TBC1D2B: variants seen among roughly 807,000 people sequenced by gnomAD.
The protein encoded by TBC1D2B is TBC1 domain family, member 2B.
A neutral mutation model predicts 100.8 loss-of-function variants in TBC1D2B; 64 were observed. That is an observed-to-expected ratio of 0.64 (90% CI 0.52 to 0.78). The LOEUF (loss-of-function observed/expected upper bound fraction) is 0.78, where lower values mean the gene tolerates loss of function less well. TBC1D2B is among the 30% of genes least tolerant of loss of function. TBC1D2B has a pLI of 0.00. For missense variants in TBC1D2B, 1,052 were observed against 1,218.4 expected, an observed-to-expected ratio of 0.86 and a Z score of 2.03; for synonymous variants, 480 against 479.7, an observed-to-expected ratio of 1.00 and a Z score of -0.01.
rs1464727962 is a variant in TBC1D2B, at chr15:78,016,533, C to T, written c.1775+13G>A. 1 of 1,610,758 alleles carries T rather than the reference C, an allele frequency of 6.2e-7. No homozygotes were observed. Among genetic ancestry groups the T allele is most frequent in the South Asian group, 1.1e-5 (1 of 90,592 alleles). On this transcript the variant is annotated intron_variant, in intron 8 of 12. Transcript: ENST00000300584. ...TGGGGTGCACTACCCTCAACAGTCA[C>T]TAGCACATTTACCTGACAAGATGAG...
At chr15:78,044,172 T>TGAA (rs1567027479) in intron 3 of TBC1D2B, among the ~76,000 whole-genome samples, 1 of 152,174 alleles carries the variant, frequency 6.6e-6, no homozygotes, top group Non-Finnish European at 1.5e-5. Flanking sequence ...TTTGGATCGA[T>TGAA]GAAAACATTT....
intron 9 of TBC1D2B, among the ~76,000 whole-genome samples, chr15:78,009,322 G>C (rs1004855): frequency 0.57 from 86,607 of 151,964 alleles, 24,846 homozygotes; most frequent in East Asian, 0.63. Flanking sequence ...ATCACTTGAG[G>C]CTAGGAGTTT....
In TBC1D2B at chr15:77,996,871, A is replaced by C. The variant is rs1019453781; in HGVS notation, c.*1289T>G. 9 of 152,218 alleles carry C rather than the reference A, an allele frequency of 5.9e-5. No homozygotes were observed. The highest frequency in any genetic ancestry group is 1.2e-4 in the Non-Finnish European group (8 of 68,040). The allele number at this position is 152,218 out of a possible 1,614,324, so 9.4% of individuals were successfully genotyped here. A position where few individuals can be genotyped will look rare whatever the true frequency, so the allele number is the denominator to read the frequency against. ...ACACTGTGCCAGAAAACATCCTCTCACATCTACGCATCAGGGATGGTCTAG... is the reference window on the plus strand; with the variant it reads ...ACACTGTGCCAGAAAACATCCTCTCCCATCTACGCATCAGGGATGGTCTAG... On this transcript the variant is annotated 3_prime_UTR_variant, in exon 13 of 13. Coordinates refer to ENST00000300584, the MANE Select transcript of TBC1D2B (RefSeq NM_144572.2).
chr15:78,049,249 T>C (rs2073262654), intron 2 of TBC1D2B, among the ~76,000 whole-genome samples: 1 of 152,198 alleles, frequency 6.6e-6, no homozygotes, highest in African/African-American at 2.4e-5. Flanking sequence ...GCCTGTCCCC[T>C]ACCCCCATCA....
intron 3 of TBC1D2B, among the ~76,000 whole-genome samples, chr15:78,032,014 A>G (rs2141721566): frequency 6.6e-6 from 1 of 152,350 alleles, no homozygotes; most frequent in Non-Finnish European, 1.5e-5. Context: ...AGGCAGTTGC[A>G]GCTCATAGAG....
At chr15:78,016,439 A>G in intron 8 of TBC1D2B, 107 bp downstream of exon 8, 1 of 1,055,028 alleles carries the variant, frequency 9.5e-7, no homozygotes, top group Non-Finnish European at 1.4e-6. Context: ...CATGAGCACC[A>G]AATGAGACAC....
intron 8 of TBC1D2B, among the ~76,000 whole-genome samples, chr15:78,013,694 A>T (rs548257507): frequency 2.6e-5 from 4 of 152,012 alleles, no homozygotes; most frequent in Admixed American, 1.3e-4. Context: ...CTACATATGT[A>T]TAACTTTATG....
At chr15:78,002,976 A>C in intron 11 of TBC1D2B, 1 of 195,058 alleles carries the variant, frequency 5.1e-6, no homozygotes, top group South Asian at 1.1e-4. Flanking sequence ...CCTGCTTATT[A>C]GATCTCTGGG....
Position 78,024,349 on chromosome 15 carries a change from A to G in TBC1D2B, c.1277T>C (p.Val426Ala). 6.2e-7 allele frequency: 1 copy of G among 1,613,884 alleles called. No individual in the cohort carries two copies. Among genetic ancestry groups the G allele is most frequent in the Non-Finnish European group, 8.5e-7 (1 of 1,179,860 alleles). ...GCCCACTTTGCTCTTCAGCGTCCTT[A>G]CTTCCTGCTGAAGACTCTCCTTCTC... ...SLEKESLQQE[V>A]RTLKSKVGEL... The change falls in exon 6 of 13, where the codon GTA becomes GCA. Residue 426 changes from valine (V) to alanine (A), a missense_variant. Coordinates refer to ENST00000300584, the MANE Select transcript of TBC1D2B (RefSeq NM_144572.2).
chr15:78,034,950 G>C (rs1161526175), intron 3 of TBC1D2B, among the ~76,000 whole-genome samples: 1 of 152,172 alleles, frequency 6.6e-6, no homozygotes, highest in African/African-American at 2.4e-5. Flanking sequence ...TGTCCTGCCT[G>C]TGTACTCCAT....
chr15:78,030,101 A>G lies in TBC1D2B; in HGVS notation c.753T>C (p.Asn251=). Residue 251 remains asparagine, a synonymous_variant, in exon 4 of 13, where the codon AAT becomes AAC. Coordinates refer to ENST00000300584, the MANE Select transcript of TBC1D2B (RefSeq NM_144572.2). ...TTGGGTCTAAAAGTTCCCACTCTTC[A>G]TTGGTATAAAACACAGTCCTCCGAC... ...NDSRRTVFYT[N]EEWELLDPTP... 1 of 1,613,914 alleles carries G rather than the reference A, an allele frequency of 6.2e-7. No individual in the cohort carries two copies. The highest frequency in any genetic ancestry group is 8.5e-7 in the Non-Finnish European group (1 of 1,179,814).
chr15:78,015,604 C>A (rs2072352918), intron 8 of TBC1D2B, among the ~76,000 whole-genome samples: 1 of 152,276 alleles, frequency 6.6e-6, no homozygotes, highest in East Asian at 1.9e-4. Flanking sequence ...ACCTGGGAAC[C>A]CGACTATCCA....
intron 6 of TBC1D2B, among the ~76,000 whole-genome samples, chr15:78,023,673 G>A (rs1393679458): frequency 6.6e-6 from 1 of 152,186 alleles, no homozygotes; most frequent in Non-Finnish European, 1.5e-5. Flanking sequence ...CACTGACTCT[G>A]AACAGGCCCT....
intron 6 of TBC1D2B, among the ~76,000 whole-genome samples, chr15:78,021,521 A>G (rs1322717790): frequency 6.6e-6 from 1 of 152,068 alleles, no homozygotes; most frequent in Non-Finnish European, 1.5e-5. Flanking sequence ...TGCAGAGGAG[A>G]CCTGCATGAG....
intron 3 of TBC1D2B, among the ~76,000 whole-genome samples, chr15:78,033,047 CAA>C (rs2072855915): frequency 6.6e-6 from 1 of 152,158 alleles, no homozygotes; most frequent in African/African-American, 2.4e-5. Context: ...AAAACTGTAT[CAA>C]GGCATATCAT....
chr15:78,016,305 G>C (rs933295864), intron 8 of TBC1D2B, among the ~76,000 whole-genome samples: 1 of 152,064 alleles, frequency 6.6e-6, no homozygotes, highest in African/African-American at 2.4e-5. Flanking sequence ...CAGAAGGAAG[G>C]CTCCCTTACT....
chr15:77,996,788 A>G lies in TBC1D2B; in HGVS notation c.*1372T>C, dbSNP rs1291565334. 2.0e-5 allele frequency: 3 copies of G among 152,258 alleles called. No homozygotes were observed. Among genetic ancestry groups the G allele is most frequent in the African/African-American group, 7.2e-5 (3 of 41,464 alleles). The allele number at this position is 152,258 out of a possible 1,614,324, so 9.4% of individuals were successfully genotyped here. On this transcript the variant is annotated 3_prime_UTR_variant, in exon 13 of 13. Coordinates refer to ENST00000300584, the MANE Select transcript of TBC1D2B (RefSeq NM_144572.2). ...GTGTTCACAACAAAGGATGATTTCC[A>G]GTTTTTTTCGGGTAATATGAAACAT...
chr15:78,027,791 A>C lies in TBC1D2B; in HGVS notation c.847+2216T>G, dbSNP rs369605825. 2.0e-4 allele frequency among the ~76,000 whole-genome samples: 30 copies of C among 152,328 alleles called. No individual in the cohort carries two copies. The East Asian group carries it at 5.4e-3, about 27-fold the overall frequency. ...CTTATTTTCAATAACCCAAATCCCC[A>C]GTTTTAATCTCTTTTTTTCCAGGTA... On this transcript the variant is annotated intron_variant, in intron 4 of 12. Transcript: ENST00000300584.
intron 3 of TBC1D2B, among the ~76,000 whole-genome samples, chr15:78,039,560 C>A (rs1003388579): frequency 2.0e-5 from 3 of 152,144 alleles, no homozygotes; most frequent in African/African-American, 7.2e-5. Flanking sequence ...ACCCCATCCA[C>A]CTGACTCAAG....
Sources: gnomAD v4.1 joint callset for allele counts (sites outside exome capture counted in the v4.1 genomes callset) on GRCh38, gnomAD v4.1.1 for gene constraint, MANE v1.5 for transcripts, NCBI Gene and HGNC (gene_info 2026-07-23, HGNC 2026-07-21) for gene names.